The following FCN1 variants were observed in gnomAD, a reference collection of about 807,000 sequenced individuals.
The protein encoded by FCN1 is ficolin 1, also known as ficolin-1.
FCN1 carries 42 observed loss-of-function variants against 35.6 expected under a neutral mutation model. That is an observed-to-expected ratio of 1.18 (90% CI 0.92 to 1.53). The LOEUF (loss-of-function observed/expected upper bound fraction) is 1.53. FCN1 is among the 40% of genes most tolerant of loss of function. FCN1 has a pLI of 0.00. For synonymous variants in FCN1, 179 were observed against 169.8 expected (o/e 1.05, Z -0.42); for missense variants, 439 against 428.4 (o/e 1.02, Z -0.22).
Position 134,904,899 on chromosome 9 carries a change from G to A in FCN1, c.*4899C>T, listed in dbSNP as rs140695986. On this transcript the variant is annotated 3_prime_UTR_variant, in exon 9 of 9. Transcript: ENST00000371806. ...GAAGGAATAAAGGGCAACATAAAGT[G>A]TAAAAATGTGGTAAAAATGAATACG... 1.8e-3 allele frequency among the ~76,000 whole-genome samples: 273 copies of A among 152,236 alleles called. 3 individuals carry two copies. The highest frequency in any genetic ancestry group is 7.5e-3 in the South Asian group (36 of 4,822).
chr9:134,907,234 A>T lies in FCN1; in HGVS notation c.*2564T>A, dbSNP rs1229650148. ...GACGAAAGTACTATCCCAATAGTGGATTTTGTGATGGACTAGAGATTGTGG... is the reference window on the plus strand; with the variant it reads ...GACGAAAGTACTATCCCAATAGTGGTTTTTGTGATGGACTAGAGATTGTGG... On this transcript the variant is annotated 3_prime_UTR_variant, in exon 9 of 9. Coordinates refer to ENST00000371806, the MANE Select transcript of FCN1 (RefSeq NM_002003.5). The T allele has an allele frequency of 1.3e-5, 2 of 152,198 alleles. No homozygotes were observed. Among genetic ancestry groups the T allele is most frequent in the African/African-American group, 4.8e-5 (2 of 41,450 alleles). The allele number at this position is 152,198 out of a possible 1,614,324, so 9.4% of individuals were successfully genotyped here. A position where few individuals can be genotyped will look rare whatever the true frequency, so the allele number is the denominator to read the frequency against.
Position 134,909,926 on chromosome 9 carries a change from C to A in FCN1, c.853G>T (p.Ala285Ser), listed in dbSNP as rs777208442. Residue 285 changes from alanine to serine, a missense_variant, in exon 9 of 9, where the codon GCT becomes TCT. Coordinates refer to ENST00000371806, the MANE Select transcript of FCN1 (RefSeq NM_002003.5). ...AGGTAGAGACCATTGAGGTTTGAAG[C>A]ATGACAGTCGGCGTACCACCAGGCT... ...QGAWWYADCH[A>S]SNLNGLYLMG... is the part of the protein sequence containing the mutation. The A allele has an allele frequency of 3.7e-6, 6 of 1,614,158 alleles. No individual in the cohort carries two copies. Among genetic ancestry groups the A allele is most frequent in the Non-Finnish European group, 5.1e-6 (6 of 1,180,042 alleles).
intron 4 of FCN1, among the ~76,000 whole-genome samples, chr9:134,913,999 G>A (rs1286811665): frequency 1.3e-5 from 2 of 152,214 alleles, no homozygotes; most frequent in East Asian, 1.9e-4. Context: ...AGGTATCGGC[G>A]GACCCTCAGC....
Position 134,914,430 on chromosome 9 carries a change from G to A in FCN1, c.272-10C>T, listed in dbSNP as rs534069582. The A allele has an allele frequency of 3.0e-5, 49 of 1,613,862 alleles. 1 individual carries two copies. In the South Asian group the frequency reaches 4.8e-4, roughly 16 times the overall value. On this transcript the variant is annotated splice_polypyrimidine_tract_variant and intron_variant, in intron 3 of 8. Coordinates refer to ENST00000371806, the MANE Select transcript of FCN1 (RefSeq NM_002003.5). ...TTCTCTCCTCGGTCTCCTGGAGGAA[G>A]AGGCAGGATAATGAGCTTTTGACCC... is the stretch of plus-strand genomic sequence containing the variant.
intron 2 of FCN1, 88 bp downstream of exon 2, chr9:134,916,260 G>T: frequency 9.9e-7 from 1 of 1,005,718 alleles, no homozygotes; most frequent in Non-Finnish European, 1.6e-6. Flanking sequence ...CCACGGTGGG[G>T]GTGTTGCCCA....
At chr9:134,913,515 C>A in intron 5 of FCN1, 66 bp downstream of exon 5, 1 of 1,308,466 alleles carries the variant, frequency 7.6e-7, no homozygotes, top group Non-Finnish European at 1.1e-6. Context: ...GTAGCGTGAA[C>A]GTGTGCAGCT....
chr9:134,917,470 G>T (rs1023154177), intron 1 of FCN1, among the ~76,000 whole-genome samples: 20 of 152,182 alleles, frequency 1.3e-4, no homozygotes, highest in African/African-American at 4.3e-4. Flanking sequence ...AGAAGATAAA[G>T]TCAACAGTAT....
intron 1 of FCN1, among the ~76,000 whole-genome samples, 193 bp downstream of exon 1, chr9:134,917,576 C>T (rs972748987): frequency 2.0e-5 from 3 of 152,218 alleles, no homozygotes; most frequent in East Asian, 1.9e-4. Context: ...TGACATCCCT[C>T]CCCTATCCCT....
At chr9:134,914,445 G>A (rs11103575) in intron 3 of FCN1, 25 bp from the exon 4 acceptor site, 1 of 1,611,504 alleles carries the variant, frequency 6.2e-7, no homozygotes, top group Middle Eastern at 1.7e-4. Flanking sequence ...AGGATAATGA[G>A]CTTTTGACCC....
Position 134,909,735 on chromosome 9 carries a change from G to A in FCN1, c.*63C>T, listed in dbSNP as rs757062307. 79 of 1,600,780 alleles carry A rather than the reference G, an allele frequency of 4.9e-5. 1 individual carries two copies. The highest frequency in any genetic ancestry group is 4.7e-4 in the African/African-American group (35 of 74,784). On this transcript the variant is annotated 3_prime_UTR_variant, in exon 9 of 9. Transcript: ENST00000371806. ...GCTGGGGAAATGGGGTGACTTCCACGACGCAGCGCTTGTGGGTGTGGCCTC... is the reference window on the plus strand; with the variant it reads ...GCTGGGGAAATGGGGTGACTTCCACAACGCAGCGCTTGTGGGTGTGGCCTC...
At position 134,904,655 on chromosome 9, in the gene FCN1, C is replaced by T. The variant is rs1830919815; in HGVS notation, c.*5143G>A. 6.6e-6 allele frequency among the ~76,000 whole-genome samples: 1 copy of T among 152,106 alleles called. No individual in the cohort carries two copies. The highest frequency in any genetic ancestry group is 6.5e-5 in the Admixed American group (1 of 15,274). On this transcript the variant is annotated 3_prime_UTR_variant, in exon 9 of 9. Coordinates refer to ENST00000371806, the MANE Select transcript of FCN1 (RefSeq NM_002003.5). ...ATTAGCCCAGCGTAGTGGTGCACAC[C>T]TGTAGTCCCAGCTACACGGGAAGCT...
intron 6 of FCN1, 122 bp downstream of exon 6, chr9:134,912,894 C>T (rs568498719): frequency 4.5e-5 from 66 of 1,465,972 alleles, no homozygotes; most frequent in Non-Finnish European, 5.8e-5. Context: ...TCACTTCCCC[C>T]ATCATCTATG....
chr9:134,915,420 A>G (rs1204068413), intron 2 of FCN1, among the ~76,000 whole-genome samples: 2 of 152,116 alleles, frequency 1.3e-5, no homozygotes, highest in Non-Finnish European at 2.9e-5. Flanking sequence ...GCTTTAGGGT[A>G]TATTAGCCAG....
chr9:134,911,361 T>G, intron 7 of FCN1, 94 bp from the exon 8 acceptor site: 1 of 938,690 alleles, frequency 1.1e-6, no homozygotes, highest in Non-Finnish European at 1.6e-6. Flanking sequence ...TTTTTTTTTT[T>G]GAGACAGAGT....
Position 134,905,698 on chromosome 9 carries a change from A to T in FCN1, c.*4100T>A, listed in dbSNP as rs550643570. On this transcript the variant is annotated 3_prime_UTR_variant, in exon 9 of 9. Transcript: ENST00000371806. The stretch of plus-strand genomic sequence containing the variant: ...ACGGGGTTTCATCATGTTAGCCAGG[A>T]TGGTCTTGATCTCCTGACCTTGTGA... 1.3e-5 allele frequency among the ~76,000 whole-genome samples: 2 copies of T among 151,192 alleles called. No individual in the cohort carries two copies. Among genetic ancestry groups the T allele is most frequent in the Non-Finnish European group, 2.9e-5 (2 of 67,846 alleles).
chr9:134,906,333 C>A lies in FCN1; in HGVS notation c.*3465G>T, dbSNP rs1003729912. ...AATATTTTAAGTTTGGCTTACAGTTCTTGTTTTTCTATTTATAAGACCTGC... is the reference window on the plus strand; with the variant it reads ...AATATTTTAAGTTTGGCTTACAGTTATTGTTTTTCTATTTATAAGACCTGC... On this transcript the variant is annotated 3_prime_UTR_variant, in exon 9 of 9. Transcript: ENST00000371806. 6.6e-6 allele frequency: 1 copy of A among 152,134 alleles called. No homozygotes were observed. Among genetic ancestry groups the A allele is most frequent in the Non-Finnish European group, 1.5e-5 (1 of 68,014 alleles). The allele number at this position is 152,134 out of a possible 1,614,324, so 9.4% of individuals were successfully genotyped here. A position where few individuals can be genotyped will look rare whatever the true frequency, so the allele number is the denominator to read the frequency against.
At chr9:134,916,568 G>A (rs1831095285) in intron 1 of FCN1, 107 bp from the exon 2 acceptor site, 2 of 1,156,120 alleles carry the variant, frequency 1.7e-6, no homozygotes, top group Middle Eastern at 2.3e-4. Context: ...CTCAGGCACT[G>A]GTGAGGCGGA....
chr9:134,913,730 T>C, intron 4 of FCN1, 117 bp from the exon 5 acceptor site: 2 of 687,258 alleles, frequency 2.9e-6, no homozygotes, highest in Non-Finnish European at 4.7e-6. Flanking sequence ...TCCTCTGATG[T>C]CTCCAGGACA....
At chr9:134,914,682 TC>T in intron 3 of FCN1, 73 bp downstream of exon 3, 1 of 1,076,308 alleles carries the variant, frequency 9.3e-7, no homozygotes, top group Non-Finnish European at 1.4e-6. Context: ...TCTCTGTCTC[TC>T]CCTCCCTCAT....
Sources: allele counts gnomAD v4.1 joint callset (sites outside exome capture counted in the v4.1 genomes callset), GRCh38; gene constraint gnomAD v4.1.1; transcripts MANE v1.5; gene names NCBI Gene and HGNC (gene_info 2026-07-23, HGNC 2026-07-21).